Variants in PRDM11 observed in about 807,000 individuals in gnomAD.
PRDM11 encodes the protein PR domain-containing protein 11.
In PRDM11, 20 loss-of-function variants were observed where a neutral mutation model predicts 97.8. The observed-to-expected ratio is 0.20, with a 90% CI of 0.14 to 0.30. The LOEUF is 0.30. Among genes scored for constraint, PRDM11 ranks in the 10% least tolerant of loss-of-function variants. The probability of loss-of-function intolerance (pLI) is 1.00; values close to 1 mark genes in which losing one functional copy is unlikely to be tolerated. For synonymous variants in PRDM11, 599 were observed against 637.7 expected (o/e 0.94, Z 0.91); for missense variants, 1,139 against 1,555.2 (o/e 0.73, Z 4.50).
intron 1 of PRDM11, among the ~76,000 whole-genome samples, chr11:45,134,999 A>T (rs1393786467): frequency 6.6e-6 from 1 of 152,136 alleles, no homozygotes; most frequent in African/African-American, 2.4e-5. Flanking sequence ...ATTCCATTTT[A>T]GCTGGGCACA....
rs1854273998 is a variant in PRDM11, at chr11:45,226,335, G to A, written c.1710G>A (p.Leu570=). 2 of 1,533,852 alleles carry A rather than the reference G, an allele frequency of 1.3e-6. No individual in the cohort carries two copies. Among genetic ancestry groups the A allele is most frequent in the African/African-American group, 2.7e-5 (2 of 72,964 alleles). The change falls in exon 8 of 8, where the codon CTG becomes CTA. Residue 570 remains leucine (L), a synonymous_variant. Transcript: ENST00000683152. ...HSQSNLHKKC[L]QLYKLRMHPE... is the part of the protein sequence containing the mutation. ...AGAGCAACCTGCACAAGAAGTGCCT[G>A]CAACTGTACAAGCTCCGCATGCACC...
Position 45,190,728 on chromosome 11 carries a change from T to C in PRDM11, c.486+7605T>C, listed in dbSNP as rs989744543. 3.3e-5 allele frequency among the ~76,000 whole-genome samples: 5 copies of C among 152,316 alleles called. No individual in the cohort carries two copies. The South Asian group carries it at 6.2e-4, about 19-fold the overall frequency. ...GTGTTGCTATGTTTCAATAAAACTT[T>C]ATATGAACACTGAAATTTGAATTGC... On this transcript the variant is annotated intron_variant, in intron 4 of 7. Transcript: ENST00000683152.
intron 1 of PRDM11, among the ~76,000 whole-genome samples, chr11:45,175,505 G>C (rs1170514384): frequency 1.3e-5 from 2 of 152,166 alleles, no homozygotes; most frequent in African/African-American, 4.8e-5. Context: ...GTTAATTGCT[G>C]TCTGTTATTT....
intron 4 of PRDM11, among the ~76,000 whole-genome samples, chr11:45,192,909 T>A (rs1852966579): frequency 6.6e-6 from 1 of 152,224 alleles, no homozygotes; most frequent in Non-Finnish European, 1.5e-5. Context: ...TAGTTGATGA[T>A]GTGTCACTGA....
intron 1 of PRDM11, among the ~76,000 whole-genome samples, chr11:45,151,001 G>T (rs1851645521): frequency 6.6e-6 from 1 of 152,220 alleles, no homozygotes; most frequent in African/African-American, 2.4e-5. Context: ...GCAGTCTGAG[G>T]CCATCTCCTT....
chr11:45,212,881 T>C, intron 5 of PRDM11: 1 of 431,602 alleles, frequency 2.3e-6, no homozygotes, highest in Non-Finnish European at 4.7e-6. Flanking sequence ...AGATCCGGGA[T>C]GGGGTTCAGG....
chr11:45,107,069 G>A (rs893775105), intron 1 of PRDM11, among the ~76,000 whole-genome samples: 2 of 152,310 alleles, frequency 1.3e-5, no homozygotes, highest in East Asian at 3.9e-4. Flanking sequence ...CAATACCTGG[G>A]CTTCACAGGT....
intron 1 of PRDM11, among the ~76,000 whole-genome samples, chr11:45,115,717 G>A (rs7929420): frequency 0.33 from 50,387 of 151,780 alleles, 9,432 homozygotes; most frequent in African/African-American, 0.48. Flanking sequence ...ATCACCTGAC[G>A]TCAGGAGTTC....
chr11:45,152,661 T>C (rs551821289), intron 1 of PRDM11, among the ~76,000 whole-genome samples: 1 of 152,376 alleles, frequency 6.6e-6, no homozygotes, highest in East Asian at 1.9e-4. Context: ...ATCTGCTTTG[T>C]CTTTTTAAAT....
At chr11:45,186,660 G>A (rs1852716797) in intron 4 of PRDM11, among the ~76,000 whole-genome samples, 1 of 152,202 alleles carries the variant, frequency 6.6e-6, no homozygotes, top group Non-Finnish European at 1.5e-5. Flanking sequence ...GGTGTCAGTG[G>A]GAGGTGAGGA....
Position 45,226,507 on chromosome 11 carries a change from A to G in PRDM11, c.1882A>G (p.Met628Val), listed in dbSNP as rs1317179339. ...KCELKVVDQY[M>V]NEGDCQILIH... is the part of the protein sequence containing the mutation. Reference sequence around the variant, plus strand: ...TGAGCTCAAGGTGGTGGACCAGTACATGAATGAGGGAGACTGCCAGATCCT... The same window carrying G: ...TGAGCTCAAGGTGGTGGACCAGTACGTGAATGAGGGAGACTGCCAGATCCT... The change falls in exon 8 of 8, where the codon ATG becomes GTG. Residue 628 changes from methionine to valine, a missense_variant. By Grantham distance (21) the Met-to-Val change is conservative. Transcript: ENST00000683152. The G allele has an allele frequency of 2.0e-6, 3 of 1,533,844 alleles. No homozygotes were observed. The highest frequency in any genetic ancestry group is 2.7e-5 in the African/African-American group (2 of 72,978).
intron 1 of PRDM11, among the ~76,000 whole-genome samples, chr11:45,108,304 T>A (rs1213833198): frequency 6.6e-6 from 1 of 152,172 alleles, no homozygotes; most frequent in African/African-American, 2.4e-5. Flanking sequence ...TTACGTGGGA[T>A]CCCCGTGTCT....
At chr11:45,175,344 G>A (rs767903609) in intron 1 of PRDM11, among the ~76,000 whole-genome samples, 2 of 152,028 alleles carry the variant, frequency 1.3e-5, no homozygotes, top group Non-Finnish European at 2.9e-5. Flanking sequence ...TACAGCCTTC[G>A]TGATTTTGCC....
chr11:45,197,828 A>C (rs1168034671), intron 4 of PRDM11, among the ~76,000 whole-genome samples: 1 of 152,056 alleles, frequency 6.6e-6, no homozygotes, highest in East Asian at 1.9e-4. Context: ...CAATGAGAAC[A>C]CTTGGACACG....
chr11:45,095,889 C>A lies in PRDM11; in HGVS notation c.84C>A (p.Tyr28Ter), dbSNP rs1199931506. The A allele has an allele frequency of 6.4e-6, 5 of 780,894 alleles. No individual in the cohort carries two copies. Among genetic ancestry groups the A allele is most frequent in the South Asian group, 5.4e-5 (4 of 74,610 alleles). The allele number at this position is 780,894 out of a possible 1,614,324, so 48.4% of individuals were successfully genotyped here. ...TGAGATGCTCACCTCTCTTCCTTTA[C>A]CAGAGAGAGAAAGTAAGTTGTTTAA... Residue 28 changes from tyrosine to a stop codon, truncating the protein, a stop_gained, in exon 1 of 7, where the codon TAC becomes TAA. Coordinates refer to the PRDM11 transcript ENST00000530656. LOFTEE classifies it high-confidence loss of function.
At chr11:45,161,260 T>G (rs191182684) in intron 1 of PRDM11, among the ~76,000 whole-genome samples, 1 of 152,354 alleles carries the variant, frequency 6.6e-6, no homozygotes, top group African/African-American at 2.4e-5. Flanking sequence ...CTTCTCTGAA[T>G]GAGCCCTGGA....
intron 7 of PRDM11, 165 bp downstream of exon 7, chr11:45,225,008 G>A: frequency 2.0e-6 from 3 of 1,476,930 alleles, no homozygotes; most frequent in Non-Finnish European, 1.8e-6. Flanking sequence ...CAGTGTCTCT[G>A]GCAGACCCAT....
At chr11:45,209,935 G>A (rs1437351106) in intron 5 of PRDM11, among the ~76,000 whole-genome samples, 2 of 152,310 alleles carry the variant, frequency 1.3e-5, no homozygotes, top group Non-Finnish European at 2.9e-5. Flanking sequence ...AGGCAGCAGC[G>A]TGGGGCGCGG....
intron 4 of PRDM11, among the ~76,000 whole-genome samples, chr11:45,203,472 G>A (rs758568120): frequency 6.6e-6 from 1 of 151,658 alleles, no homozygotes; most frequent in Non-Finnish European, 1.5e-5. Context: ...CAGTAGATGG[G>A]AGAAACCCCG....
Sources: allele counts gnomAD v4.1 joint callset (sites outside exome capture counted in the v4.1 genomes callset), GRCh38; gene constraint gnomAD v4.1.1; transcripts MANE v1.5; gene names NCBI Gene and HGNC (gene_info 2026-07-23, HGNC 2026-07-21).